ATP2B2: variants seen among roughly 807,000 people sequenced by gnomAD.
ATP2B2 encodes the protein ATPase plasma membrane Ca2+ transporting 2.
ATP2B2 carries 15 observed loss-of-function variants against 120.0 expected under a neutral mutation model. The observed-to-expected ratio is 0.12, with a 90% CI of 0.08 to 0.19. ATP2B2 has a LOEUF of 0.19. ATP2B2 is among the 10% of genes least tolerant of loss of function. The probability of loss-of-function intolerance (pLI) is 1.00; values close to 1 mark genes in which losing one functional copy is unlikely to be tolerated. For missense variants in ATP2B2, 1,045 were observed against 1,719.8 expected (o/e 0.61, Z 6.94); for synonymous variants, 694 against 700.3 (o/e 0.99, Z 0.14).
At position 10,349,877 on chromosome 3, in the gene ATP2B2, A is replaced by G. The variant is rs138917599; in HGVS notation, c.2404+235T>C. ...TGGGACCCCACACAGGCCCAGGTCC[A>G]TTGCTTCCTAGGGGAGTTGGAGGCC... On this transcript the variant is annotated intron_variant, in intron 16 of 22. Transcript: ENST00000360273. Among the ~76,000 whole-genome samples the G allele has an allele frequency of 2.0e-3, 306 of 152,256 alleles. 9 individuals are homozygous for G. The East Asian group carries it at 0.03, about 15-fold the overall frequency.
intron 1 of ATP2B2, among the ~76,000 whole-genome samples, chr3:10,631,290 T>C (rs555883950): frequency 2.0e-5 from 3 of 152,364 alleles, no homozygotes; most frequent in East Asian, 1.9e-4. Context: ...CTCAACACTT[T>C]TTATATCCGA....
intron 6 of ATP2B2, 25 bp downstream of exon 6, chr3:10,388,252 T>C: frequency 6.2e-7 from 1 of 1,614,060 alleles, no homozygotes; most frequent in Non-Finnish European, 8.5e-7. Context: ...GCTCCTCTCC[T>C]GGTCTGCAAG....
At chr3:10,563,746 AC>A (rs1328378487) in intron 2 of ATP2B2, among the ~76,000 whole-genome samples, 1 of 152,218 alleles carries the variant, frequency 6.6e-6, no homozygotes, top group Non-Finnish European at 1.5e-5. Flanking sequence ...CAGCCACCTG[AC>A]TATGAATATT....
chr3:10,350,173 G>A lies in ATP2B2; in HGVS notation c.2343C>T (p.Ile781=), dbSNP rs1418630148. ...GEIEQERIDK[I]WPKLRVLARS... ...GAGCCAGCACCCGCAGCTTTGGCCA[G>A]ATCTTGTCAATTCGCTCCTGCTCAA... The change falls in exon 16 of 23, where the codon ATC becomes ATT. Residue 781 remains isoleucine (I), a synonymous_variant. Transcript: ENST00000360273. 1.4e-6 allele frequency: 2 copies of A among 1,425,182 alleles called. No individual in the cohort carries two copies. Among genetic ancestry groups the A allele is most frequent in the South Asian group, 2.3e-5 (2 of 88,592 alleles). The allele number at this position is 1,425,182 out of a possible 1,614,324, so 88.3% of individuals were successfully genotyped here. A position where few individuals can be genotyped will look rare whatever the true frequency, so the allele number is the denominator to read the frequency against.
In ATP2B2 at chr3:10,683,796, A is replaced by G. The variant is rs573282215; in HGVS notation, c.-460+24119T>C. ...TATATATATATATATATATATATAT[A>G]TATATATATGTAAAGAGACAGGGTC... On this transcript the variant is annotated intron_variant, in intron 1 of 21. Transcript: ENST00000646379. Among the ~76,000 whole-genome samples, 12 of 127,562 alleles carry G rather than the reference A, an allele frequency of 9.4e-5. No homozygotes were observed. The South Asian group carries it at 1.3e-3, about 14-fold the overall frequency. 83.7% of individuals were successfully genotyped at this position (127,562 alleles called of 152,430 possible). A position where few individuals can be genotyped will look rare whatever the true frequency, so the allele number is the denominator to read the frequency against.
At chr3:10,482,501 C>T (rs1461773210) in intron 1 of ATP2B2, among the ~76,000 whole-genome samples, 1 of 152,336 alleles carries the variant, frequency 6.6e-6, no homozygotes, top group East Asian at 1.9e-4. Flanking sequence ...GCAGCCCTTT[C>T]CTGGCCAGGC....
chr3:10,380,917 G>A (rs980973264), intron 8 of ATP2B2, among the ~76,000 whole-genome samples: 12 of 152,222 alleles, frequency 7.9e-5, no homozygotes, highest in African/African-American at 2.9e-4. Flanking sequence ...GTCATCTCTT[G>A]TCAGTCTTCC....
chr3:10,534,563 C>T (rs1242789877), intron 2 of ATP2B2, among the ~76,000 whole-genome samples: 3 of 152,202 alleles, frequency 2.0e-5, no homozygotes, highest in Non-Finnish European at 4.4e-5. Context: ...AAGATGCCAC[C>T]GTTGTCCCCA....
chr3:10,605,042 C>A (rs1233431439), intron 2 of ATP2B2, among the ~76,000 whole-genome samples: 1 of 152,200 alleles, frequency 6.6e-6, no homozygotes, highest in Non-Finnish European at 1.5e-5. Context: ...TTCTGTGTCC[C>A]CACTGTACAG....
intron 2 of ATP2B2, among the ~76,000 whole-genome samples, chr3:10,433,543 C>T (rs764939776): frequency 2.6e-5 from 4 of 152,192 alleles, no homozygotes; most frequent in Non-Finnish European, 4.4e-5. Context: ...AAGTCACTCT[C>T]TCAGCCTCAG....
intron 14 of ATP2B2, among the ~76,000 whole-genome samples, chr3:10,352,640 C>T (rs2060611782): frequency 6.6e-6 from 1 of 152,238 alleles, no homozygotes; most frequent in Admixed American, 6.5e-5. Context: ...GCCACGTGAG[C>T]AAGGCCCCTG....
intron 1 of ATP2B2, among the ~76,000 whole-genome samples, chr3:10,703,685 G>C (rs182892596): frequency 3.9e-5 from 6 of 152,280 alleles, no homozygotes; most frequent in African/African-American, 1.4e-4. Context: ...CTGTCAAATG[G>C]GGATTGTAAT....
At position 10,590,923 on chromosome 3, in the gene ATP2B2, G is replaced by A. The variant is rs114132909; in HGVS notation, c.-415+28994C>T. 2.6e-3 allele frequency among the ~76,000 whole-genome samples: 389 copies of A among 152,172 alleles called. 4 individuals carry two copies. Among genetic ancestry groups the A allele is most frequent in the African/African-American group, 9.0e-3 (372 of 41,544 alleles). On this transcript the variant is annotated intron_variant, in intron 2 of 21. Transcript: ENST00000646379. The stretch of plus-strand genomic sequence containing the variant: ...CTAGTCCCCACACTTTACAAGCTGG[G>A]GAGTGGTGACACCAGGTGAGGACTT...
upstream of ATP2B2, among the ~76,000 whole-genome samples, chr3:10,505,886 C>T (rs2066609792): frequency 6.6e-6 from 1 of 151,902 alleles, no homozygotes; most frequent in Non-Finnish European, 1.5e-5. Context: ...CTGGCAGAGT[C>T]CCAGGAATAT....
In ATP2B2 at chr3:10,340,143, G is replaced by C; in HGVS notation, c.3237+99C>G. ...CCAGAGATAGGGAGGAGCTTGCCTG[G>C]GGTCTGGCAGCCCATTCCTGGGGGT... On this transcript the variant is annotated intron_variant, in intron 21 of 22. Transcript: ENST00000360273. This position sits in a 1 kb window ranked among gnomAD's most constrained non-coding sequence, Gnocchi z 5.0. 2.6e-6 allele frequency: 3 copies of C among 1,147,576 alleles called. No individual in the cohort carries two copies. The highest frequency in any genetic ancestry group is 3.9e-6 in the Non-Finnish European group (3 of 775,666). The allele number at this position is 1,147,576 out of a possible 1,614,324, so 71.1% of individuals were successfully genotyped here. A position where few individuals can be genotyped will look rare whatever the true frequency, so the allele number is the denominator to read the frequency against.
rs2125422324 is a variant in ATP2B2 at position 10,505,580 on chromosome 3, A to G, written c.-435T>C. The stretch of plus-strand genomic sequence containing the variant: ...AGCCAGCGTGCCCGGGCCCCTCTGC[A>G]GACTGTACCATCCTGCCCGAGCGGG... On this transcript the variant is annotated 5_prime_UTR_variant, in exon 1 of 23. Coordinates refer to ENST00000360273, the MANE Select transcript of ATP2B2 (RefSeq NM_001001331.4). 1 of 131,340 alleles carries G rather than the reference A, an allele frequency of 7.6e-6. No homozygotes were observed. The highest frequency in any genetic ancestry group is 2.8e-5 in the African/African-American group (1 of 35,378). The allele number at this position is 131,340 out of a possible 1,614,324, so 8.1% of individuals were successfully genotyped here. A position where few individuals can be genotyped will look rare whatever the true frequency, so the allele number is the denominator to read the frequency against.
chr3:10,450,944 C>T lies in ATP2B2; in HGVS notation c.-319-1082G>A, dbSNP rs141555964. On this transcript the variant is annotated intron_variant, in intron 1 of 22. Transcript: ENST00000360273. ...AGTGGCCCTGCCCCGCAGTCATGGA[C>T]AGCTGGCCATCCTGGGCCCAGGACG... is the stretch of plus-strand genomic sequence containing the variant. Among the ~76,000 whole-genome samples, 300 of 152,284 alleles carry T rather than the reference C, an allele frequency of 2.0e-3. 1 individual carries two copies. Among genetic ancestry groups the T allele is most frequent in the African/African-American group, 6.7e-3 (280 of 41,564 alleles).
chr3:10,547,713 A>G (rs2067581464), intron 2 of ATP2B2, among the ~76,000 whole-genome samples: 1 of 152,146 alleles, frequency 6.6e-6, no homozygotes, highest in South Asian at 2.1e-4. Flanking sequence ...AAAGTTCTGA[A>G]TATTAGTCCT....
At chr3:10,330,934 C>T (rs1295643885) in intron 22 of ATP2B2, among the ~76,000 whole-genome samples, 2 of 152,168 alleles carry the variant, frequency 1.3e-5, no homozygotes, top group Non-Finnish European at 2.9e-5. Context: ...GTCAATTATC[C>T]TTCTTGGTCT....
Sources: allele counts gnomAD v4.1 joint callset (sites outside exome capture counted in the v4.1 genomes callset), GRCh38; gene constraint gnomAD v4.1.1; non-coding constraint Gnocchi (gnomAD v3.1); transcripts MANE v1.5; gene names NCBI Gene and HGNC (gene_info 2026-07-23, HGNC 2026-07-21).